SGCZ: variants seen among roughly 807,000 people sequenced by gnomAD.
SGCZ encodes the protein zeta-sarcoglycan.
Under a neutral mutation model 41.3 loss-of-function variants are expected in SGCZ, and 40 were observed. That is an observed-to-expected ratio of 0.97 (90% CI 0.75 to 1.26). SGCZ has a LOEUF of 1.26. Ranked by LOEUF, SGCZ falls within the 50% of genes most tolerant of loss-of-function variation. The probability of loss-of-function intolerance (pLI) is 0.00; values close to 1 mark genes in which losing one functional copy is unlikely to be tolerated. For missense variants in SGCZ, 552 were observed against 369.8 expected, an observed-to-expected ratio of 1.49 and a Z score of -4.04; for synonymous variants, 206 against 137.5, an observed-to-expected ratio of 1.50 and a Z score of -3.49.
intron 2 of SGCZ, among the ~76,000 whole-genome samples, chr8:14,352,577 T>C (rs927060240): frequency 6.6e-6 from 1 of 152,118 alleles, no homozygotes; most frequent in Admixed American, 6.6e-5. Context: ...CTAGTGCCTC[T>C]GGCACAAACA....
intron 7 of SGCZ, among the ~76,000 whole-genome samples, chr8:14,092,828 A>G (rs891923381): frequency 6.6e-5 from 10 of 152,030 alleles, no homozygotes; most frequent in Non-Finnish European, 1.2e-4. Context: ...TTTGTCGGCA[A>G]TGTAAAAATG....
intron 1 of SGCZ, among the ~76,000 whole-genome samples, chr8:15,156,269 A>C (rs1799328785): frequency 6.6e-6 from 1 of 152,138 alleles, no homozygotes; most frequent in Admixed American, 6.5e-5. Flanking sequence ...TTATTTCTGC[A>C]TAGGGGCTTT....
intron 1 of SGCZ, among the ~76,000 whole-genome samples, chr8:14,584,073 C>T (rs1804981421): frequency 6.6e-6 from 1 of 152,048 alleles, no homozygotes; most frequent in Non-Finnish European, 1.5e-5. Flanking sequence ...GGGAGCTCAA[C>T]ATTTACTTAA....
At chr8:14,176,741 GGT>G (rs1804554775) in intron 4 of SGCZ, among the ~76,000 whole-genome samples, 1 of 152,156 alleles carries the variant, frequency 6.6e-6, no homozygotes, top group Non-Finnish European at 1.5e-5. Context: ...CCTAGGAGCA[GGT>G]GTCAGACCCC....
At chr8:14,499,820 A>G (rs1187789785) in intron 2 of SGCZ, among the ~76,000 whole-genome samples, 1 of 152,028 alleles carries the variant, frequency 6.6e-6, no homozygotes, top group Non-Finnish European at 1.5e-5. Context: ...CAATTACTAT[A>G]CATCACTAAA....
intron 1 of SGCZ, among the ~76,000 whole-genome samples, chr8:14,616,668 T>C (rs1206115779): frequency 1.3e-5 from 2 of 152,040 alleles, no homozygotes; most frequent in African/African-American, 2.4e-5. Flanking sequence ...GACCGGAAAA[T>C]TGAGTATGTT....
intron 1 of SGCZ, among the ~76,000 whole-genome samples, chr8:14,888,334 C>T (rs1369235451): frequency 6.6e-6 from 1 of 152,110 alleles, no homozygotes; most frequent in Non-Finnish European, 1.5e-5. Context: ...TCATAACCAT[C>T]TCTAGCTCTT....
intron 3 of SGCZ, among the ~76,000 whole-genome samples, chr8:14,299,899 C>T (rs1023402361): frequency 6.6e-6 from 1 of 151,888 alleles, no homozygotes; most frequent in Admixed American, 6.6e-5. Context: ...CAATAAAATA[C>T]TACTCATCAG....
chr8:15,162,885 C>G (rs1322496944), intron 1 of SGCZ, among the ~76,000 whole-genome samples: 1 of 152,096 alleles, frequency 6.6e-6, no homozygotes, highest in Non-Finnish European at 1.5e-5. Context: ...CATGAAACTG[C>G]AGAAACAGTC....
chr8:15,169,596 T>C (rs1349447003), intron 1 of SGCZ, among the ~76,000 whole-genome samples: 1 of 127,564 alleles, frequency 7.8e-6, no homozygotes, highest in East Asian at 2.0e-4. Context: ...CAGAGTACCC[T>C]AGACTAGGCG....
chr8:15,090,846 G>T (rs533468061), intron 1 of SGCZ, among the ~76,000 whole-genome samples: 1 of 152,090 alleles, frequency 6.6e-6, no homozygotes, highest in Admixed American at 6.6e-5. Context: ...TAATCTAAGC[G>T]GCTAGAAAAT....
chr8:14,340,490 T>A (rs1802664637), intron 2 of SGCZ, among the ~76,000 whole-genome samples: 2 of 152,192 alleles, frequency 1.3e-5, no homozygotes, highest in Non-Finnish European at 2.9e-5. Flanking sequence ...ACTCTATCCC[T>A]GTGGTCTTAT....
chr8:14,838,134 G>A (rs1239311008), intron 1 of SGCZ, among the ~76,000 whole-genome samples: 2 of 152,144 alleles, frequency 1.3e-5, no homozygotes, highest in Non-Finnish European at 2.9e-5. Flanking sequence ...GGGATAGAGA[G>A]AGTAGAATGA....
chr8:14,605,442 G>A (rs1240178877), intron 1 of SGCZ, among the ~76,000 whole-genome samples: 2 of 151,998 alleles, frequency 1.3e-5, no homozygotes, highest in African/African-American at 4.8e-5. Context: ...CTTTAAAAAT[G>A]TGCATTTAAA....
chr8:14,622,836 T>C (rs887447160), intron 1 of SGCZ, among the ~76,000 whole-genome samples: 2 of 152,324 alleles, frequency 1.3e-5, no homozygotes, highest in African/African-American at 4.8e-5. Context: ...AAATTCAAAA[T>C]ATAGTTAGTT....
At chr8:14,958,450 T>C (rs1363192976) in intron 1 of SGCZ, among the ~76,000 whole-genome samples, 1 of 152,010 alleles carries the variant, frequency 6.6e-6, no homozygotes, top group Non-Finnish European at 1.5e-5. Context: ...TGGTAAACTC[T>C]GAAAACAATG....
At chr8:14,417,108 G>T (rs1396715251) in intron 2 of SGCZ, among the ~76,000 whole-genome samples, 2 of 151,732 alleles carry the variant, frequency 1.3e-5, no homozygotes, top group Admixed American at 6.6e-5. Context: ...TGCTCAACCT[G>T]TTTCTTAGCT....
At chr8:14,152,587 A>G (rs78572316) in intron 5 of SGCZ, among the ~76,000 whole-genome samples, 4,777 of 152,286 alleles carry the variant, frequency 0.031, 233 homozygotes, top group African/African-American at 0.11. Flanking sequence ...TCTTGCAGGA[A>G]AGGATATGAA....
intron 5 of SGCZ, among the ~76,000 whole-genome samples, chr8:14,164,356 A>G (rs1463746000): frequency 6.6e-6 from 1 of 152,072 alleles, no homozygotes; most frequent in South Asian, 2.1e-4. Flanking sequence ...CCTCCACCTG[A>G]GAGATGGCTT....
Sources: gnomAD v4.1 joint callset for allele counts (sites outside exome capture counted in the v4.1 genomes callset) on GRCh38, gnomAD v4.1.1 for gene constraint, MANE v1.5 for transcripts, NCBI Gene and HGNC (gene_info 2026-07-23, HGNC 2026-07-21) for gene names.